ZNF292: variants seen among roughly 807,000 people sequenced by gnomAD.
The protein encoded by ZNF292 is 16 zinc-finger domain protein.
A neutral mutation model predicts 217.9 loss-of-function variants in ZNF292; 26 were observed. The ratio of observed to expected loss-of-function variants is 0.12; its 90% confidence interval spans 0.09 to 0.17. ZNF292 has a LOEUF of 0.17. ZNF292 is among the 10% of genes least tolerant of loss of function. The pLI, the probability that ZNF292 is intolerant of heterozygous loss-of-function variation, is 1.00. For missense variants in ZNF292, 2,904 were observed against 3,175.2 expected (o/e 0.91, Z 2.05); for synonymous variants, 1,257 against 1,124.1 (o/e 1.12, Z -2.37).
intron 1 of ZNF292, among the ~76,000 whole-genome samples, chr6:87,158,642 A>G (rs558792948): frequency 9.9e-5 from 15 of 152,276 alleles, no homozygotes; most frequent in African/African-American, 3.4e-4. Flanking sequence ...CACTGTGCAC[A>G]CTCCAGCCCG....
chr6:87,181,132 T>C (rs1771459835), intron 1 of ZNF292, among the ~76,000 whole-genome samples: 1 of 152,126 alleles, frequency 6.6e-6, no homozygotes. Flanking sequence ...ATCAGCTCAA[T>C]GGACCCTCTG....
intron 7 of ZNF292, among the ~76,000 whole-genome samples, chr6:87,246,493 T>A (rs1774590477): frequency 6.6e-6 from 1 of 152,156 alleles, no homozygotes; most frequent in South Asian, 2.1e-4. Flanking sequence ...ACCTGGAGAT[T>A]GGGATATGTT....
intron 1 of ZNF292, among the ~76,000 whole-genome samples, chr6:87,163,310 G>T (rs1232068767): frequency 6.6e-6 from 1 of 152,058 alleles, no homozygotes; most frequent in Non-Finnish European, 1.5e-5. Context: ...AATTAGCCGG[G>T]TGTGGTGATG....
intron 5 of ZNF292, 54 bp downstream of exon 5, chr6:87,233,581 T>C (rs1026546193): frequency 1.7e-4 from 267 of 1,567,238 alleles, no homozygotes; most frequent in Admixed American, 1.3e-4. Context: ...AAATTAATTT[T>C]TAATTAGAAT....
intron 1 of ZNF292, among the ~76,000 whole-genome samples, chr6:87,214,790 C>T (rs1772659087): frequency 6.6e-6 from 1 of 151,996 alleles, no homozygotes; most frequent in African/African-American, 2.4e-5. Flanking sequence ...TTTAGTTTAC[C>T]AGCTTACTTT....
chr6:87,219,438 C>T (rs901117126), intron 4 of ZNF292, among the ~76,000 whole-genome samples: 1 of 151,922 alleles, frequency 6.6e-6, no homozygotes, highest in Non-Finnish European at 1.5e-5. Context: ...ATGTATTTAC[C>T]ACTGTAAGCT....
At chr6:87,252,715 G>T (rs1774986177) in intron 7 of ZNF292, among the ~76,000 whole-genome samples, 1 of 152,112 alleles carries the variant, frequency 6.6e-6, no homozygotes, top group Non-Finnish European at 1.5e-5. Context: ...TCGTAATAGA[G>T]GAGTGGCCTA....
At chr6:87,236,466 A>T (rs1391203404) in intron 5 of ZNF292, among the ~76,000 whole-genome samples, 1 of 151,386 alleles carries the variant, frequency 6.6e-6, no homozygotes, top group Non-Finnish European at 1.5e-5. Context: ...GCTGGGAGAG[A>T]TTAAGTGTTT....
intron 1 of ZNF292, among the ~76,000 whole-genome samples, chr6:87,165,247 C>T (rs1770877009): frequency 1.3e-5 from 2 of 152,234 alleles, no homozygotes; most frequent in African/African-American, 4.8e-5. Flanking sequence ...TTGTCTTTCT[C>T]AGTGGCAGTC....
In ZNF292 at chr6:87,190,722, C is replaced by T. The variant is rs556865597; in HGVS notation, c.169-25181C>T. ...CTCCTGACCTCAGGTGATTTGCCCA[C>T]CTCAGCCTCCCAGGATATGTATTTT... is the stretch of plus-strand genomic sequence containing the variant. On this transcript the variant is annotated intron_variant, in intron 1 of 7. Coordinates refer to ENST00000369577, the MANE Select transcript of ZNF292 (RefSeq NM_015021.3). Among the ~76,000 whole-genome samples, 5 of 152,220 alleles carry T rather than the reference C, an allele frequency of 3.3e-5. No individual in the cohort carries two copies. The South Asian group carries it at 1.0e-3, about 32-fold the overall frequency.
At chr6:87,219,389 A>T (rs1245137821) in intron 4 of ZNF292, among the ~76,000 whole-genome samples, 1 of 152,208 alleles carries the variant, frequency 6.6e-6, no homozygotes, top group East Asian at 1.9e-4. Flanking sequence ...TAAAGAAGTA[A>T]ATTTTTTTAA....
chr6:87,168,370 G>A (rs755390369), intron 1 of ZNF292, among the ~76,000 whole-genome samples: 10 of 152,104 alleles, frequency 6.6e-5, no homozygotes, highest in African/African-American at 1.9e-4. Context: ...ACTAAGCAGC[G>A]CTTTAAAAAA....
intron 5 of ZNF292, among the ~76,000 whole-genome samples, chr6:87,240,167 C>T (rs1306203649): frequency 6.6e-6 from 1 of 152,172 alleles, no homozygotes; most frequent in African/African-American, 2.4e-5. Context: ...CCGGCCAACA[C>T]AGCGAAACCC....
Position 87,265,716 on chromosome 6 carries a change from CATTT to C in ZNF292, c.*3919_*3922del, listed in dbSNP as rs1177294064. Among the ~76,000 whole-genome samples, 11 of 152,180 alleles carry C rather than the reference CATTT, an allele frequency of 7.2e-5. No individual in the cohort carries two copies. Among genetic ancestry groups the C allele is most frequent in the Non-Finnish European group, 1.5e-4 (10 of 68,036 alleles). ...TTTGGGAAATGCTGATCTCAAATGG[CATTT>C]ATTCAACCAGGACTGATAATCAACG... On this transcript the variant is annotated 3_prime_UTR_variant, in exon 8 of 8. Coordinates refer to ENST00000369577, the MANE Select transcript of ZNF292 (RefSeq NM_015021.3).
intron 1 of ZNF292, among the ~76,000 whole-genome samples, chr6:87,190,972 A>G (rs1029044202): frequency 1.3e-5 from 2 of 152,184 alleles, no homozygotes; most frequent in African/African-American, 2.4e-5. Flanking sequence ...AACTGAGTAT[A>G]TTAGACATTT....
intron 1 of ZNF292, among the ~76,000 whole-genome samples, chr6:87,183,237 A>G (rs565261161): frequency 2.6e-5 from 4 of 152,340 alleles, no homozygotes; most frequent in Non-Finnish European, 5.9e-5. Context: ...ATAATTACAA[A>G]GAGCCGCATC....
chr6:87,242,453 C>G (rs1367241902), intron 5 of ZNF292, among the ~76,000 whole-genome samples: 1 of 152,192 alleles, frequency 6.6e-6, no homozygotes, highest in Non-Finnish European at 1.5e-5. Flanking sequence ...TACCCGCATT[C>G]TCCATTTACA....
chr6:87,156,397 C>CGTAT (rs1485417331), intron 1 of ZNF292, among the ~76,000 whole-genome samples: 1 of 152,210 alleles, frequency 6.6e-6, no homozygotes, highest in Non-Finnish European at 1.5e-5. Flanking sequence ...CCCCTCCTGC[C>CGTAT]CATACTTGCT....
intron 1 of ZNF292, among the ~76,000 whole-genome samples, chr6:87,162,591 G>C (rs1582364567): frequency 6.6e-6 from 1 of 152,160 alleles, no homozygotes; most frequent in Non-Finnish European, 1.5e-5. Flanking sequence ...TTCATAATTA[G>C]TATGATTGCA....
Sources: allele counts gnomAD v4.1 joint callset (sites outside exome capture counted in the v4.1 genomes callset), GRCh38; gene constraint gnomAD v4.1.1; transcripts MANE v1.5; gene names NCBI Gene and HGNC (gene_info 2026-07-23, HGNC 2026-07-21).